Variants in LRP1B observed in about 807,000 individuals in gnomAD.
LRP1B encodes the protein low-density lipoprotein receptor-related protein 1B.
Under a neutral mutation model 556.6 loss-of-function variants are expected in LRP1B, and 217 were observed. The ratio of observed to expected loss-of-function variants is 0.39; its 90% CI spans 0.35 to 0.44. LRP1B has a LOEUF of 0.44. Ranked by LOEUF, LRP1B falls within the 20% of genes least tolerant of loss-of-function variation. The probability of loss-of-function intolerance (pLI) is 1.00; values close to 1 mark genes in which losing one functional copy is unlikely to be tolerated. For synonymous variants in LRP1B, 2,047 were observed against 1,865.8 expected, an observed-to-expected ratio of 1.10 and a Z score of -2.50; for missense variants, 5,053 against 5,620.8, an observed-to-expected ratio of 0.90 and a Z score of 3.23.
rs7558803 is a variant in LRP1B, at chr2:142,063,305, A to T, written c.82+67343T>A. 7.3e-5 allele frequency among the ~76,000 whole-genome samples: 11 copies of T among 151,402 alleles called. No homozygotes were observed. The East Asian group carries it at 1.2e-3, about 16-fold the overall frequency. ...CTTAATTGTTTTCTAGACAGATGGA[A>T]GTGGTATGAAAGCCAATAAAACTAA... On this transcript the variant is annotated intron_variant, in intron 1 of 90. Coordinates refer to ENST00000389484, the MANE Select transcript of LRP1B (RefSeq NM_018557.3).
At chr2:141,272,504 C>T (rs187530843) in intron 3 of LRP1B, among the ~76,000 whole-genome samples, 90 of 152,012 alleles carry the variant, frequency 5.9e-4, no homozygotes, top group Middle Eastern at 3.4e-3. Flanking sequence ...GGATTAAACA[C>T]GAAATCCAAA....
chr2:141,077,932 T>G (rs1468585823), intron 7 of LRP1B, among the ~76,000 whole-genome samples: 1 of 152,000 alleles, frequency 6.6e-6, no homozygotes, highest in Non-Finnish European at 1.5e-5. Context: ...AACTCCAATC[T>G]GAGTCTATCT....
intron 1 of LRP1B, among the ~76,000 whole-genome samples, chr2:141,880,157 G>A (rs1487496331): frequency 1.3e-5 from 2 of 151,848 alleles, no homozygotes; most frequent in Admixed American, 1.3e-4. Flanking sequence ...GAATATCTAC[G>A]ATCCATCAAG....
chr2:142,063,920 G>A (rs567951706), intron 1 of LRP1B, among the ~76,000 whole-genome samples: 164 of 151,582 alleles, frequency 1.1e-3, no homozygotes, highest in Admixed American at 3.6e-3. Context: ...CATCAATACC[G>A]TATAAATGAC....
chr2:140,732,794 T>C (rs1000025391), intron 35 of LRP1B, among the ~76,000 whole-genome samples: 11 of 152,136 alleles, frequency 7.2e-5, no homozygotes, highest in Admixed American at 5.2e-4. Flanking sequence ...TCAGAGTTTT[T>C]TAGAATGCAT....
chr2:140,989,881 G>T (rs928933539), intron 16 of LRP1B, among the ~76,000 whole-genome samples: 3 of 152,024 alleles, frequency 2.0e-5, no homozygotes, highest in Non-Finnish European at 4.4e-5. Context: ...TAAATAAAAG[G>T]AAATGTATTC....
intron 18 of LRP1B, among the ~76,000 whole-genome samples, chr2:140,961,250 C>T (rs932055370): frequency 1.6e-4 from 24 of 151,986 alleles, no homozygotes; most frequent in African/African-American, 5.5e-4. Flanking sequence ...CCTATCAATC[C>T]ATCAATCTAT....
intron 18 of LRP1B, 21 bp from the exon 19 acceptor site, chr2:140,951,961 T>A: frequency 6.5e-7 from 1 of 1,550,094 alleles, no homozygotes; most frequent in Non-Finnish European, 8.9e-7. Flanking sequence ...TATAAAAATG[T>A]CCAAAAGGTA....
At chr2:141,573,186 A>G (rs779874717) in intron 2 of LRP1B, among the ~76,000 whole-genome samples, 2 of 151,596 alleles carry the variant, frequency 1.3e-5, no homozygotes, top group Non-Finnish European at 3.0e-5. Flanking sequence ...GAAATTGACC[A>G]CATAATTGGG....
rs552377115 is a variant in LRP1B at position 140,970,439 on chromosome 2, G to T, written c.2887+11721C>A. ...AGCCACTCGTCTAATCTTTTTTCAA[G>T]GTTTTTAGCTTCTTTGGGATGGGTT... On this transcript the variant is annotated intron_variant, in intron 18 of 90. Coordinates refer to ENST00000389484, the MANE Select transcript of LRP1B (RefSeq NM_018557.3). 2.0e-5 allele frequency among the ~76,000 whole-genome samples: 3 copies of T among 152,104 alleles called. No individual in the cohort carries two copies. In the South Asian group the frequency reaches 6.2e-4, roughly 32 times the overall value.
At chr2:141,741,700 T>G (rs1693712413) in intron 2 of LRP1B, among the ~76,000 whole-genome samples, 1 of 152,200 alleles carries the variant, frequency 6.6e-6, no homozygotes, top group Non-Finnish European at 1.5e-5. Flanking sequence ...ATTAATCTCG[T>G]CAGATGGGTA....
intron 2 of LRP1B, among the ~76,000 whole-genome samples, chr2:141,685,122 C>T (rs1691247895): frequency 6.6e-6 from 1 of 152,008 alleles, no homozygotes; most frequent in Non-Finnish European, 1.5e-5. Context: ...TTTTCTTCCT[C>T]CTTTTCTTCT....
chr2:141,092,402 T>A (rs1208977245), intron 7 of LRP1B, among the ~76,000 whole-genome samples: 3 of 152,202 alleles, frequency 2.0e-5, no homozygotes, highest in Non-Finnish European at 4.4e-5. Flanking sequence ...CAATTTGGAC[T>A]TATTAAGTTT....
rs144401710 is a variant in LRP1B at position 142,028,794 on chromosome 2, T to A, written c.82+101854A>T. ...TGCACTCTCCTCAGCAACATATGAGTTATAATTTCTTCATGCTCTCACAAA... is the reference window on the plus strand; with the variant it reads ...TGCACTCTCCTCAGCAACATATGAGATATAATTTCTTCATGCTCTCACAAA... On this transcript the variant is annotated intron_variant, in intron 1 of 90. Transcript: ENST00000389484. 4.9e-3 allele frequency among the ~76,000 whole-genome samples: 741 copies of A among 152,012 alleles called. 7 individuals carry two copies. Among genetic ancestry groups the A allele is most frequent in the African/African-American group, 0.017 (707 of 41,516 alleles).
chr2:142,026,648 C>T (rs1224226506), intron 1 of LRP1B, among the ~76,000 whole-genome samples: 3 of 151,932 alleles, frequency 2.0e-5, no homozygotes, highest in Non-Finnish European at 2.9e-5. Context: ...TACGGCCAAA[C>T]AAATAAAAAG....
chr2:141,996,617 A>G (rs532321017), intron 1 of LRP1B, among the ~76,000 whole-genome samples: 79 of 152,338 alleles, frequency 5.2e-4, no homozygotes, highest in African/African-American at 1.9e-3. Context: ...AACAAGGAAG[A>G]ACTATGACAT....
At chr2:141,986,303 T>G (rs1702185570) in intron 1 of LRP1B, among the ~76,000 whole-genome samples, 2 of 151,986 alleles carry the variant, frequency 1.3e-5, no homozygotes, top group South Asian at 4.1e-4. Context: ...AAGTAGATAT[T>G]GGTTTATTTA....
chr2:141,407,139 C>CT (rs11369037), intron 3 of LRP1B, among the ~76,000 whole-genome samples: 151,900 of 152,130 alleles, frequency 1, 75,835 homozygotes, highest in Middle Eastern at 1. Flanking sequence ...TAAATAGAAA[C>CT]TTTTTTTGGT....
At chr2:140,813,868 G>A (rs2105037449) in intron 31 of LRP1B, 62 bp from the exon 32 acceptor site, 1 of 1,228,356 alleles carries the variant, frequency 8.1e-7, no homozygotes, top group African/African-American at 1.6e-5. Context: ...TATCCACCTA[G>A]CACCACTGGA....
Sources: allele counts gnomAD v4.1 joint callset (sites outside exome capture counted in the v4.1 genomes callset), GRCh38; gene constraint gnomAD v4.1.1; transcripts MANE v1.5; gene names NCBI Gene and HGNC (gene_info 2026-07-23, HGNC 2026-07-21).